Variants in KLRG2 observed in about 807,000 individuals in gnomAD.
KLRG2 encodes the protein killer cell lectin-like receptor subfamily G member 2.
Under a neutral mutation model 35.4 loss-of-function variants are expected in KLRG2, and 39 were observed. That is an observed-to-expected ratio of 1.10 (90% confidence interval 0.85 to 1.44). The LOEUF is 1.44. Ranked by LOEUF, KLRG2 falls within the 40% of genes most tolerant of loss-of-function variation. The pLI, the probability that KLRG2 is intolerant of heterozygous loss-of-function variation, is 0.00. For missense variants in KLRG2, 632 were observed against 570.9 expected (o/e 1.11, Z -1.09); for synonymous variants, 283 against 265.8 (o/e 1.06, Z -0.63).
intron 3 of KLRG2, among the ~76,000 whole-genome samples, chr7:139,468,741 G>A (rs75668764): frequency 0.07 from 10,729 of 152,260 alleles, 719 homozygotes; most frequent in East Asian, 0.4. Flanking sequence ...TTGGGATTCC[G>A]TAAGTGTGAC....
intron 3 of KLRG2, among the ~76,000 whole-genome samples, chr7:139,471,586 G>A (rs1796756767): frequency 1.3e-5 from 2 of 152,150 alleles, no homozygotes; most frequent in South Asian, 4.1e-4. Context: ...ACTTGAACCT[G>A]GGAGATGGTG....
In KLRG2 at chr7:139,479,733, G is replaced by T; in HGVS notation, c.899C>A (p.Ser300Tyr). ...CQQCPPGWVL[S>Y]EEHCYYFSAE... is the part of the protein sequence containing the mutation. Reference sequence around the variant, plus strand: ...AGAGAAGTAGTAACAGTGCTCCTCGGACAACACCCAGCCTGGGGGGCACTG... The same window carrying T: ...AGAGAAGTAGTAACAGTGCTCCTCGTACAACACCCAGCCTGGGGGGCACTG... The change falls in exon 3 of 5, where the codon TCC becomes TAC. Residue 300 changes from serine to tyrosine, a missense_variant. Ser to Tyr is a moderately radical substitution (Grantham distance 144, BLOSUM62 -2). Transcript: ENST00000340940. The T allele has an allele frequency of 6.2e-7, 1 of 1,614,050 alleles. No individual in the cohort carries two copies. Among genetic ancestry groups the T allele is most frequent in the Non-Finnish European group, 8.5e-7 (1 of 1,180,000 alleles).
At chr7:139,465,168 T>G (rs1275284217) in intron 3 of KLRG2, among the ~76,000 whole-genome samples, 1 of 152,214 alleles carries the variant, frequency 6.6e-6, no homozygotes, top group African/African-American at 2.4e-5. Context: ...AGGCTACCAC[T>G]CTGCCCCCGT....
chr7:139,468,231 A>C (rs1469264173), intron 3 of KLRG2, among the ~76,000 whole-genome samples: 9 of 151,702 alleles, frequency 5.9e-5, no homozygotes, highest in Non-Finnish European at 1.3e-4. Flanking sequence ...GGCTGGCGGG[A>C]TCCTCTATAT....
chr7:139,479,860 G>T, intron 2 of KLRG2, 88 bp from the exon 3 acceptor site: 1 of 1,442,692 alleles, frequency 6.9e-7, no homozygotes, highest in South Asian at 1.3e-5. Flanking sequence ...AAGGGGCATG[G>T]AACTGGCAAA....
At chr7:139,454,829 AATAATAATAATAAT>A (rs1324802861) in intron 3 of KLRG2, among the ~76,000 whole-genome samples, 9 of 60,960 alleles carry the variant, frequency 1.5e-4, no homozygotes, top group Admixed American at 1.1e-3. Context: ...AAATAATAAT[AATAATAATAATAAT>A]AATAATAATA....
intron 1 of KLRG2, among the ~76,000 whole-genome samples, chr7:139,481,053 T>G (rs1796951669): frequency 6.6e-6 from 1 of 152,034 alleles, no homozygotes; most frequent in South Asian, 2.1e-4. Flanking sequence ...TTCAGGAGCC[T>G]TATATGTGGA....
chr7:139,456,788 G>A (rs1796483769), intron 3 of KLRG2, among the ~76,000 whole-genome samples: 1 of 152,212 alleles, frequency 6.6e-6, no homozygotes, highest in South Asian at 2.1e-4. Context: ...CTCATGTGCT[G>A]CCTTCTAATG....
chr7:139,460,591 A>T (rs1016041020), intron 3 of KLRG2, among the ~76,000 whole-genome samples: 5 of 151,658 alleles, frequency 3.3e-5, no homozygotes, highest in Non-Finnish European at 7.4e-5. Flanking sequence ...TGAGCCTGGG[A>T]GGTGGAGGCT....
At chr7:139,480,592 C>T (rs997048431) in intron 1 of KLRG2, among the ~76,000 whole-genome samples, 2 of 148,928 alleles carry the variant, frequency 1.3e-5, no homozygotes, top group Non-Finnish European at 3.0e-5. Flanking sequence ...GTTACAGGTG[C>T]GTGCCACCAT....
Position 139,479,727 on chromosome 7 carries a change from T to C in KLRG2, c.905A>G (p.Glu302Gly). The change falls in exon 3 of 5, where the codon GAG (glutamate) becomes GGG (glycine). Residue 302 changes from glutamate to glycine, a missense_variant. By Grantham distance (98) the Glu-to-Gly change is moderately conservative (BLOSUM62 -2). Transcript: ENST00000340940. ...TTCTGCAGAGAAGTAGTAACAGTGC[T>C]CCTCGGACAACACCCAGCCTGGGGG... ...QCPPGWVLSE[E>G]HCYYFSAEAQ... The C allele has an allele frequency of 1.2e-6, 2 of 1,613,978 alleles. No individual in the cohort carries two copies. The highest frequency in any genetic ancestry group is 1.7e-6 in the Non-Finnish European group (2 of 1,179,986).
Position 139,482,931 on chromosome 7 carries a change from CCGCGCGGGGCAACAG to C in KLRG2, c.697_711del (p.Leu233_Ala237del). 1 of 1,494,234 alleles carries C rather than the reference CCGCGCGGGGCAACAG, an allele frequency of 6.7e-7. No homozygotes were observed. The highest frequency in any genetic ancestry group is 1.3e-5 in the South Asian group (1 of 77,910). 92.6% of individuals were successfully genotyped at this position (1,494,234 alleles called of 1,614,324 possible). ...GGCAGCTTCTCGTCGCCGTCCAACC[CCGCGCGGGGCAACAG>C]CGCCGCATCCTCCTTCTCCAGCCCC... On this transcript the variant is annotated inframe_deletion, in exon 1 of 5. Transcript: ENST00000340940.
At chr7:139,469,902 G>A (rs1796727692) in intron 3 of KLRG2, among the ~76,000 whole-genome samples, 1 of 152,188 alleles carries the variant, frequency 6.6e-6, no homozygotes, top group South Asian at 2.1e-4. Flanking sequence ...GACACTGTGG[G>A]GCGTAAGGAG....
chr7:139,468,980 G>C (rs1201197222), intron 3 of KLRG2, among the ~76,000 whole-genome samples: 1 of 152,158 alleles, frequency 6.6e-6, no homozygotes, highest in Non-Finnish European at 1.5e-5. Flanking sequence ...GCCATGTGAG[G>C]ACACAGGGAG....
intron 1 of KLRG2, among the ~76,000 whole-genome samples, chr7:139,481,605 C>T (rs1219777333): frequency 6.6e-6 from 1 of 152,160 alleles, no homozygotes; most frequent in African/African-American, 2.4e-5. Flanking sequence ...ATCCCTAGCA[C>T]CCCCTACTCC....
At chr7:139,465,422 G>A (rs908801233) in intron 3 of KLRG2, among the ~76,000 whole-genome samples, 3 of 152,204 alleles carry the variant, frequency 2.0e-5, no homozygotes, top group African/African-American at 7.2e-5. Flanking sequence ...ACCGGGCGCG[G>A]TGGCTCACGC....
At chr7:139,429,585 A>C in the KLRG2 span, among the ~76,000 whole-genome samples, 4 of 151,528 alleles carry the variant, frequency 2.6e-5, no homozygotes, top group South Asian at 2.1e-4. Flanking sequence ...CTTAACGAGC[A>C]TGCTGCCTTC....
At position 139,483,665 on chromosome 7, in the gene KLRG2, G is replaced by T. The variant is rs1388740208; in HGVS notation, c.-23C>A. The T allele has an allele frequency of 1.4e-6, 2 of 1,472,966 alleles. No homozygotes were observed. Among genetic ancestry groups the T allele is most frequent in the Non-Finnish European group, 1.8e-6 (2 of 1,118,942 alleles). The allele number at this position is 1,472,966 out of a possible 1,614,324, so 91.2% of individuals were successfully genotyped here. On this transcript the variant is annotated 5_prime_UTR_variant, in exon 1 of 5. Transcript: ENST00000340940. ...CATCCCGCGCGCCCCGCCACCCGGA[G>T]ACGCTGAGGAGCGCACCTGGGCCCA...
At chr7:139,447,402 CTT>C in the KLRG2 span, among the ~76,000 whole-genome samples, 22 of 136,856 alleles carry the variant, frequency 1.6e-4, no homozygotes, top group Admixed American at 2.2e-4. Flanking sequence ...TTGGGTCATT[CTT>C]TTTTTTTTTT....
Sources: allele counts gnomAD v4.1 joint callset (sites outside exome capture counted in the v4.1 genomes callset), GRCh38; gene constraint gnomAD v4.1.1; transcripts MANE v1.5; gene names NCBI Gene and HGNC (gene_info 2026-07-23, HGNC 2026-07-21).